MDGA2: variants seen among roughly 807,000 people sequenced by gnomAD.
MDGA2 encodes MAM domain-containing glycosylphosphatidylinositol anchor protein 2.
MDGA2 carries 40 observed loss-of-function variants against 117.8 expected under a neutral mutation model. The observed-to-expected ratio is 0.34, with a 90% CI of 0.26 to 0.44. The LOEUF is 0.44. Ranked by LOEUF, MDGA2 falls within the 20% of genes least tolerant of loss-of-function variation. The probability of loss-of-function intolerance (pLI) is 1.00; values close to 1 mark genes in which losing one functional copy is unlikely to be tolerated. For missense variants in MDGA2, 1,123 were observed against 1,250.6 expected, an observed-to-expected ratio of 0.90 and a Z score of 1.54; for synonymous variants, 452 against 439.0, an observed-to-expected ratio of 1.03 and a Z score of -0.37.
chr14:47,468,980 A>C (rs1021545354), intron 1 of MDGA2, among the ~76,000 whole-genome samples: 3 of 152,130 alleles, frequency 2.0e-5, no homozygotes, highest in African/African-American at 7.2e-5. Flanking sequence ...CTCTAGAAAT[A>C]AGTATGATTC....
chr14:47,603,168 C>A (rs1896678965), intron 1 of MDGA2, among the ~76,000 whole-genome samples: 1 of 152,162 alleles, frequency 6.6e-6, no homozygotes, highest in South Asian at 2.1e-4. Flanking sequence ...TGCCAAGATG[C>A]AGAGACAGGC....
At chr14:47,384,461 T>C (rs1270266558) in intron 1 of MDGA2, among the ~76,000 whole-genome samples, 1 of 152,090 alleles carries the variant, frequency 6.6e-6, no homozygotes. Context: ...CCTCATAGAA[T>C]TGTTATCTTG....
intron 4 of MDGA2, among the ~76,000 whole-genome samples, chr14:47,139,385 A>G (rs2139183744): frequency 6.6e-6 from 1 of 152,210 alleles, no homozygotes; most frequent in Non-Finnish European, 1.5e-5. Flanking sequence ...AGTGTTGTGT[A>G]GCTCTATTTA....
At chr14:47,275,971 G>C (rs994399490) in intron 2 of MDGA2, among the ~76,000 whole-genome samples, 2 of 152,064 alleles carry the variant, frequency 1.3e-5, no homozygotes, top group African/African-American at 4.8e-5. Flanking sequence ...AAAAATTCAA[G>C]GGTTTGACTA....
At chr14:47,130,344 T>C (rs1397852934) in intron 5 of MDGA2, among the ~76,000 whole-genome samples, 3 of 152,174 alleles carry the variant, frequency 2.0e-5, no homozygotes, top group African/African-American at 4.8e-5. Flanking sequence ...ATTTATTAAA[T>C]AGGGAATCCT....
intron 2 of MDGA2, among the ~76,000 whole-genome samples, chr14:47,273,519 A>T (rs1566714439): frequency 6.6e-6 from 1 of 152,170 alleles, no homozygotes; most frequent in Non-Finnish European, 1.5e-5. Context: ...AGTAAAAGGA[A>T]GCTGATCTGA....
At chr14:47,371,585 T>C (rs1413228801) in intron 1 of MDGA2, among the ~76,000 whole-genome samples, 1 of 151,778 alleles carries the variant, frequency 6.6e-6, no homozygotes, top group Admixed American at 6.6e-5. Context: ...TAGTTCCCTG[T>C]ATGGAATATC....
At chr14:46,967,673 C>A (rs189815954) in intron 8 of MDGA2, among the ~76,000 whole-genome samples, 185 of 152,152 alleles carry the variant, frequency 1.2e-3, no homozygotes, top group Non-Finnish European at 1.7e-3. Flanking sequence ...CTACAGTTGT[C>A]CCCCCTTATC....
At chr14:47,398,855 TTAAC>T (rs1474464500) in intron 1 of MDGA2, among the ~76,000 whole-genome samples, 3 of 152,194 alleles carry the variant, frequency 2.0e-5, no homozygotes, top group Admixed American at 6.5e-5. Context: ...AATTTAGTAT[TTAAC>T]TATTTCTAGC....
At chr14:47,135,920 A>G (rs1882429948) in intron 4 of MDGA2, among the ~76,000 whole-genome samples, 1 of 152,036 alleles carries the variant, frequency 6.6e-6, no homozygotes, top group African/African-American at 2.4e-5. Context: ...AGCGCAACAA[A>G]GAGCATAAAA....
intron 4 of MDGA2, among the ~76,000 whole-genome samples, chr14:47,141,246 A>G (rs779594178): frequency 6.6e-6 from 1 of 152,220 alleles, no homozygotes; most frequent in African/African-American, 2.4e-5. Flanking sequence ...AGGTTCCTCA[A>G]AAAATTAAAA....
chr14:46,945,540 C>T (rs1161928592), intron 9 of MDGA2, among the ~76,000 whole-genome samples: 1 of 151,742 alleles, frequency 6.6e-6, no homozygotes, highest in Non-Finnish European at 1.5e-5. Context: ...GGTAAGGATC[C>T]ACACTAACTC....
intron 1 of MDGA2, among the ~76,000 whole-genome samples, chr14:47,439,232 G>C (rs967202658): frequency 1.3e-5 from 2 of 151,950 alleles, no homozygotes; most frequent in Admixed American, 1.3e-4. Flanking sequence ...TGAGAGATAT[G>C]GCAATGACTT....
chr14:46,854,957 G>T, intron 15 of MDGA2, 67 bp downstream of exon 15: 3 of 1,294,268 alleles, frequency 2.3e-6, no homozygotes, highest in Non-Finnish European at 3.1e-6. Context: ...TTTAATATTT[G>T]CTCAAGATCC....
intron 1 of MDGA2, among the ~76,000 whole-genome samples, chr14:47,451,564 T>C (rs1703240535): frequency 6.6e-6 from 1 of 152,114 alleles, no homozygotes; most frequent in African/African-American, 2.4e-5. Context: ...CTAATGTATA[T>C]GTGACAGTCT....
At chr14:47,286,833 A>ATG (rs1298183564) in intron 2 of MDGA2, among the ~76,000 whole-genome samples, 4 of 119,808 alleles carry the variant, frequency 3.3e-5, no homozygotes, top group African/African-American at 1.1e-4. Flanking sequence ...ATACATATAT[A>ATG]TATGTATATA....
chr14:47,301,486 G>C lies in MDGA2; in HGVS notation c.345C>G (p.Ser115=). The C allele has an allele frequency of 3.9e-6, 6 of 1,551,684 alleles. No individual in the cohort carries two copies. The highest frequency in any genetic ancestry group is 5.2e-6 in the Non-Finnish European group (6 of 1,146,978). ...LACNIEEERY[S]ERVYTIREGE... is the part of the protein sequence containing the mutation. ...CTTCCCGGATAGTGTAGACCCTTTC[G>C]GAGTAGCGCTCCTCTTCAATGTTAC... The change falls in exon 2 of 17, where the codon TCC becomes TCG. Residue 115 remains serine (S), a synonymous_variant. Coordinates refer to ENST00000399232, the MANE Select transcript of MDGA2 (RefSeq NM_001113498.3).
intron 1 of MDGA2, among the ~76,000 whole-genome samples, chr14:47,560,374 T>C (rs4898574): frequency 0.74 from 113,183 of 152,146 alleles, 42,570 homozygotes; most frequent in East Asian, 1. Context: ...CCCAGCCTAT[T>C]TTAGGATTTT....
chr14:47,234,827 T>C (rs1219636227), intron 2 of MDGA2, among the ~76,000 whole-genome samples: 2 of 152,164 alleles, frequency 1.3e-5, no homozygotes, highest in African/African-American at 4.8e-5. Flanking sequence ...ATTATAAAAA[T>C]GTATTTTTAT....
Sources: allele counts gnomAD v4.1 joint callset (sites outside exome capture counted in the v4.1 genomes callset), GRCh38; gene constraint gnomAD v4.1.1; transcripts MANE v1.5; gene names NCBI Gene and HGNC (gene_info 2026-07-23, HGNC 2026-07-21).